IARS2: variants seen among roughly 807,000 people sequenced by gnomAD.
The protein encoded by IARS2 is isoleucine--tRNA ligase, mitochondrial.
In IARS2, 56 loss-of-function variants were observed where a neutral mutation model predicts 126.3. That is an observed-to-expected ratio of 0.44 (90% confidence interval 0.36 to 0.55). IARS2 has a LOEUF of 0.55. Among genes scored for constraint, IARS2 ranks in the 20% least tolerant of loss-of-function variants. The pLI is 0.00. For synonymous variants in IARS2, 407 were observed against 441.1 expected, an observed-to-expected ratio of 0.92 and a Z score of 0.97; for missense variants, 1,127 against 1,245.9, an observed-to-expected ratio of 0.90 and a Z score of 1.44.
At chr1:220,133,298 A>C (rs996919658) in intron 14 of IARS2, among the ~76,000 whole-genome samples, 1 of 151,954 alleles carries the variant, frequency 6.6e-6, no homozygotes, top group African/African-American at 2.4e-5. Flanking sequence ...GAGACACTGC[A>C]CCCGGCCCCA....
chr1:220,095,733 A>G (rs895851654), intron 1 of IARS2, among the ~76,000 whole-genome samples: 3 of 152,366 alleles, frequency 2.0e-5, no homozygotes, highest in Non-Finnish European at 4.4e-5. Flanking sequence ...GCCAAAGAAT[A>G]GCAAGAATAT....
intron 14 of IARS2, among the ~76,000 whole-genome samples, chr1:220,130,513 T>C (rs1657236358): frequency 6.6e-6 from 1 of 152,176 alleles, no homozygotes; most frequent in South Asian, 2.1e-4. Context: ...TTTAAGTCTC[T>C]CTTTTGAGTT....
chr1:220,146,169 G>T (rs1210308812), intron 22 of IARS2, among the ~76,000 whole-genome samples: 2 of 152,168 alleles, frequency 1.3e-5, no homozygotes, highest in Non-Finnish European at 1.5e-5. Flanking sequence ...TTTTATAGAA[G>T]ATTTTAAAAG....
chr1:220,141,873 G>T lies in IARS2; in HGVS notation c.2485G>T (p.Val829Leu), dbSNP rs746326028. Residue 829 changes from valine to leucine, a missense_variant, in exon 20 of 23, where the codon GTA becomes TTA. Coordinates refer to ENST00000366922, the MANE Select transcript of IARS2 (RefSeq NM_018060.4). ...GACTGCATTAGTTGAAATTTTGGAT[G>T]TAATAGTTCGTTCTTTTGCTCCCAT... is the stretch of plus-strand genomic sequence containing the variant. The part of the protein sequence containing the change: ...CQTALVEILD[V>L]IVRSFAPILP... The T allele has an allele frequency of 2.0e-5, 32 of 1,614,156 alleles. No homozygotes were observed. The highest frequency in any genetic ancestry group is 2.5e-5 in the Non-Finnish European group (30 of 1,180,016).
At chr1:220,110,676 T>A in intron 10 of IARS2, 110 bp from the exon 11 acceptor site, 1 of 825,484 alleles carries the variant, frequency 1.2e-6, no homozygotes, top group Non-Finnish European at 1.9e-6. Context: ...GTGACTACTC[T>A]TATTGCCACC....
intron 12 of IARS2, among the ~76,000 whole-genome samples, chr1:220,120,967 T>C (rs1042236422): frequency 5.9e-5 from 9 of 152,178 alleles, no homozygotes; most frequent in African/African-American, 2.2e-4. Context: ...GAAGGAAGTC[T>C]TGCTCTCTAA....
chr1:220,104,367 T>G (rs1369015768), intron 8 of IARS2, among the ~76,000 whole-genome samples: 3 of 152,146 alleles, frequency 2.0e-5, no homozygotes, highest in Non-Finnish European at 4.4e-5. Context: ...AGTTTAAAAT[T>G]AGCTTTTTGT....
Position 220,094,458 on chromosome 1 carries a change from C to T in IARS2, c.242C>T (p.Pro81Leu), listed in dbSNP as rs1347624277. The change falls in exon 1 of 23, where the codon CCG becomes CTG. Residue 81 changes from proline to leucine, a missense_variant. By Grantham distance (98) the Pro-to-Leu change is moderately conservative. Transcript: ENST00000366922. ...FPMKLLGRQQ[P>L]DTELEIQQKC... ...ATGAAGCTGCTGGGCCGCCAGCAGC[C>T]GGACACGGAGCTGGAGATCCAGCAG... is the stretch of plus-strand genomic sequence containing the variant. 1.1e-4 allele frequency: 184 copies of T among 1,609,732 alleles called. No individual in the cohort carries two copies. Among genetic ancestry groups the T allele is most frequent in the Non-Finnish European group, 1.5e-4 (178 of 1,178,478 alleles).
Position 220,100,533 on chromosome 1 carries a change from C to G in IARS2, c.434C>G (p.Ser145Cys). Residue 145 changes from serine (S) to cysteine (C), a missense_variant, in exon 3 of 23, where the codon TCC (serine) becomes TGC (cysteine). Ser to Cys is a moderately radical substitution (Grantham distance 112). Coordinates refer to ENST00000366922, the MANE Select transcript of IARS2 (RefSeq NM_018060.4). ...IANRFHMMNG[S>C]KIHFVPGWDC... Reference sequence around the variant, plus strand: ...AATCGATTCCATATGATGAATGGCTCCAAAATACATTTTGTGCCCGGCTGG... The same window carrying G: ...AATCGATTCCATATGATGAATGGCTGCAAAATACATTTTGTGCCCGGCTGG... The G allele has an allele frequency of 1.2e-6, 2 of 1,613,014 alleles. No homozygotes were observed. The highest frequency in any genetic ancestry group is 2.7e-5 in the African/African-American group (2 of 74,974).
At chr1:220,100,357 TAA>T in intron 2 of IARS2, 131 bp from the exon 3 acceptor site, 1 of 724,966 alleles carries the variant, frequency 1.4e-6, no homozygotes, top group Non-Finnish European at 2.2e-6. Flanking sequence ...GTATTAAGTT[TAA>T]AAAAAAGAAC....
chr1:220,125,520 A>G (rs1657133267), intron 13 of IARS2, among the ~76,000 whole-genome samples, 181 bp downstream of exon 13: 1 of 152,174 alleles, frequency 6.6e-6, no homozygotes, highest in African/African-American at 2.4e-5. Context: ...TGTAGTATTT[A>G]AGGCTGGGCG....
At position 220,147,782 on chromosome 1, in the gene IARS2, TAGA is replaced by T. The variant is rs139390735; in HGVS notation, c.*153_*155del. The T allele has an allele frequency of 1.0e-4, 69 of 688,610 alleles. 1 individual carries two copies. Among genetic ancestry groups the T allele is most frequent in the East Asian group, 9.9e-4 (37 of 37,216 alleles). 42.7% of individuals were successfully genotyped at this position (688,610 alleles called of 1,614,324 possible). On this transcript the variant is annotated 3_prime_UTR_variant, in exon 23 of 23. Coordinates refer to ENST00000366922, the MANE Select transcript of IARS2 (RefSeq NM_018060.4). The stretch of plus-strand genomic sequence containing the variant: ...AGGATGGGAGTCAAAATCAGAATTA[TAGA>T]AGAAGTATTTCCTGTAACTATAGAA...
Position 220,133,429 on chromosome 1 carries a change from A to T in IARS2, c.1838-973A>T, listed in dbSNP as rs116523384. On this transcript the variant is annotated intron_variant, in intron 14 of 22. Coordinates refer to ENST00000366922, the MANE Select transcript of IARS2 (RefSeq NM_018060.4). The stretch of plus-strand genomic sequence containing the variant: ...TGCTATATAACAAGTGCTCAGTAAT[A>T]TTGGTGCAATTGAATTGGTTTGATT... Among the ~76,000 whole-genome samples, 1,386 of 152,288 alleles carry T rather than the reference A, an allele frequency of 9.1e-3. 24 individuals carry two copies. Among genetic ancestry groups the T allele is most frequent in the African/African-American group, 0.031 (1,296 of 41,540 alleles).
At chr1:220,120,082 CT>C (rs1395868643) in intron 12 of IARS2, among the ~76,000 whole-genome samples, 283 of 139,062 alleles carry the variant, frequency 2.0e-3, no homozygotes, top group Non-Finnish European at 2.1e-3. Flanking sequence ...CTCTGTCACA[CT>C]TTTTTTTTTT....
Position 220,107,055 on chromosome 1 carries a change from T to G in IARS2, c.1237-6T>G. 6.4e-7 allele frequency: 1 copy of G among 1,572,428 alleles called. No homozygotes were observed. Among genetic ancestry groups the G allele is most frequent in the Non-Finnish European group, 8.8e-7 (1 of 1,142,092 alleles). On this transcript the variant is annotated splice_region_variant and splice_polypyrimidine_tract_variant and intron_variant, in intron 9 of 22. Coordinates refer to ENST00000366922, the MANE Select transcript of IARS2 (RefSeq NM_018060.4). ...TATTTTAATTGTTCAAAATGATACT[T>G]TATAGGATTGTCTAGTGGACGAAGA...
Position 220,147,942 on chromosome 1 carries a change from A to T in IARS2, c.*307A>T, listed in dbSNP as rs1392967056. 2.5e-6 allele frequency: 1 copy of T among 398,730 alleles called. No individual in the cohort carries two copies. Among genetic ancestry groups the T allele is most frequent in the Non-Finnish European group, 4.4e-6 (1 of 226,044 alleles). The allele number at this position is 398,730 out of a possible 1,614,324, so 24.7% of individuals were successfully genotyped here. On this transcript the variant is annotated 3_prime_UTR_variant, in exon 23 of 23. Transcript: ENST00000366922. ...ATAGATATGTATTCAGCTTGTCTTC[A>T]AATACGGCCAAGCAGAAAATGTTTT...
chr1:220,143,871 C>T (rs1002587898), intron 21 of IARS2: 3 of 645,384 alleles, frequency 4.6e-6, no homozygotes, highest in Non-Finnish European at 8.0e-6. Flanking sequence ...GATTTTTCTC[C>T]AGTCTAAATG....
rs564556870 is a variant in IARS2, at chr1:220,114,439, T to G, written c.1605T>G (p.Phe535Leu). Reference protein sequence around the residue: ...QRVWGVPIPVFHHKTKDEYLI... With the variant: ...QRVWGVPIPVLHHKTKDEYLI... Reference sequence around the variant, plus strand: ...TTTGGGGTGTTCCAATTCCTGTGTTTCATCATAAGACCAAGGATGAATACT... The same window carrying G: ...TTTGGGGTGTTCCAATTCCTGTGTTGCATCATAAGACCAAGGATGAATACT... Residue 535 changes from phenylalanine to leucine, a missense_variant, in exon 12 of 23, where the codon TTT (phenylalanine) becomes TTG (leucine). Transcript: ENST00000366922. 6.2e-7 allele frequency: 1 copy of G among 1,614,044 alleles called. No homozygotes were observed. Among genetic ancestry groups the G allele is most frequent in the African/African-American group, 1.3e-5 (1 of 75,058 alleles).
intron 11 of IARS2, among the ~76,000 whole-genome samples, chr1:220,112,744 A>C (rs1164846126): frequency 6.6e-6 from 1 of 151,432 alleles, no homozygotes; most frequent in Admixed American, 6.6e-5. Flanking sequence ...TTTTTTCTAG[A>C]GATAGGGTTT....
Sources: gnomAD v4.1 joint callset for allele counts (sites outside exome capture counted in the v4.1 genomes callset) on GRCh38, gnomAD v4.1.1 for gene constraint, MANE v1.5 for transcripts, NCBI Gene and HGNC (gene_info 2026-07-23, HGNC 2026-07-21) for gene names.